The following NXN variants were observed in gnomAD, a reference collection of about 807,000 sequenced individuals.
NXN encodes the protein nucleoredoxin, also known as nucleoredoxin 1.
Under a neutral mutation model 48.6 loss-of-function variants are expected in NXN, and 16 were observed. The ratio of observed to expected loss-of-function variants is 0.33; its 90% confidence interval spans 0.22 to 0.50. NXN has a LOEUF of 0.50. NXN is among the 20% of genes least tolerant of loss of function. The pLI is 0.98. For synonymous variants in NXN, 281 were observed against 269.6 expected (o/e 1.04, Z -0.41); for missense variants, 492 against 605.5 (o/e 0.81, Z 1.97).
chr17:944,480 T>C (rs1415714465), intron 1 of NXN, among the ~76,000 whole-genome samples: 1 of 152,198 alleles, frequency 6.6e-6, no homozygotes, highest in East Asian at 1.9e-4. Flanking sequence ...CTGCGCTGTG[T>C]TCACCAAGCG....
Position 932,112 on chromosome 17 carries a change from C to A in NXN, c.360+47207G>T, listed in dbSNP as rs146291396. ...TGAGCTGAGATTGCACCACTGCACT[C>A]CAGCCTGGGCAATAGAGCAAGACCC... On this transcript the variant is annotated intron_variant, in intron 1 of 7. Transcript: ENST00000336868. This position sits in a 1 kb window ranked among gnomAD's most constrained non-coding sequence, Gnocchi z 4.1. Among the ~76,000 whole-genome samples the A allele has an allele frequency of 5.1e-3, 771 of 152,296 alleles. 9 individuals are homozygous for A. Among genetic ancestry groups the A allele is most frequent in the East Asian group, 0.033 (173 of 5,180 alleles).
At chr17:875,754 G>A (rs890687847) in intron 1 of NXN, among the ~76,000 whole-genome samples, 2 of 139,068 alleles carry the variant, frequency 1.4e-5, no homozygotes, top group African/African-American at 5.4e-5. Flanking sequence ...GACCATGCCT[G>A]GTAAATTAAA....
At chr17:837,605 G>A (rs1322840280) in intron 1 of NXN, among the ~76,000 whole-genome samples, 1 of 152,162 alleles carries the variant, frequency 6.6e-6, no homozygotes, top group Admixed American at 6.5e-5. Flanking sequence ...TTGTTCCTGG[G>A]GGGCCCAGAA....
At chr17:842,107 G>A (rs2144716884) in intron 1 of NXN, among the ~76,000 whole-genome samples, 1 of 152,224 alleles carries the variant, frequency 6.6e-6, no homozygotes, top group South Asian at 2.1e-4. Flanking sequence ...TTGCACTCCA[G>A]CCTGGGCGAC....
At chr17:864,191 T>TTTA in intron 1 of NXN, 90 of 1,197,070 alleles carry the variant, frequency 7.5e-5, no homozygotes, top group Non-Finnish European at 9.0e-5. Context: ...GTTGCTCGGT[T>TTTA]CCGGTGAAGG....
chr17:941,817 T>C (rs1312466857), intron 1 of NXN, among the ~76,000 whole-genome samples: 1 of 58,062 alleles, frequency 1.7e-5, no homozygotes. Context: ...GGATTTACAG[T>C]GAACAAGATT....
chr17:811,792 C>T (rs978367184), intron 5 of NXN, among the ~76,000 whole-genome samples: 2 of 152,182 alleles, frequency 1.3e-5, no homozygotes, highest in Non-Finnish European at 2.9e-5. Context: ...CCGACTCCCC[C>T]ACCCGTACCG....
intron 1 of NXN, among the ~76,000 whole-genome samples, chr17:892,609 C>A (rs1466183969): frequency 7.2e-6 from 1 of 139,234 alleles, no homozygotes; most frequent in African/African-American, 2.6e-5. Context: ...CTCAGCACTG[C>A]TGACACTTTG....
At chr17:909,559 G>C (rs906227766) in intron 1 of NXN, 21 of 120,786 alleles carry the variant, frequency 1.7e-4, no homozygotes, top group African/African-American at 6.1e-4. Flanking sequence ...TTTTTTTTGA[G>C]ACTGAGTCTT....
intron 1 of NXN, among the ~76,000 whole-genome samples, chr17:839,867 C>T (rs527276201): frequency 5.5e-5 from 8 of 146,528 alleles, no homozygotes; most frequent in Non-Finnish European, 8.9e-5. Context: ...GAGGCCGAGG[C>T]GGGCAGATTA....
chr17:971,089 G>A (rs954230181), intron 1 of NXN, among the ~76,000 whole-genome samples: 5 of 151,698 alleles, frequency 3.3e-5, no homozygotes, highest in Admixed American at 6.6e-5. Flanking sequence ...TCGGATTACA[G>A]GCATGCACCA....
chr17:924,569 A>G (rs11869158), intron 1 of NXN, among the ~76,000 whole-genome samples: 5 of 152,218 alleles, frequency 3.3e-5, no homozygotes, highest in African/African-American at 2.4e-5. Flanking sequence ...TAGAACATAC[A>G]TAACAGAAAA....
chr17:806,415 C>G (rs1490015969), intron 5 of NXN, among the ~76,000 whole-genome samples: 1 of 152,110 alleles, frequency 6.6e-6, no homozygotes, highest in Non-Finnish European at 1.5e-5. Context: ...AATGAAAACT[C>G]AGAGAAAGCC....
chr17:841,492 CACGGCGCATCTCACACG>C, intron 1 of NXN, among the ~76,000 whole-genome samples: 1 of 141,420 alleles, frequency 7.1e-6, no homozygotes, highest in Non-Finnish European at 1.6e-5. Flanking sequence ...CCCCCCTGAC[CACGGCGCATCTCACACG>C]GGCGAGCAGG....
chr17:931,220 G>A (rs768886527), intron 1 of NXN, among the ~76,000 whole-genome samples: 1 of 151,344 alleles, frequency 6.6e-6, no homozygotes, highest in Admixed American at 6.6e-5. Context: ...CTAGCAAGTC[G>A]AGGCTGCAGT....
chr17:895,620 G>A (rs2068472216), intron 1 of NXN, among the ~76,000 whole-genome samples: 2 of 146,898 alleles, frequency 1.4e-5, no homozygotes, highest in Admixed American at 6.9e-5. Context: ...AGACCATCCT[G>A]GCTAACACGG....
intron 3 of NXN, among the ~76,000 whole-genome samples, chr17:823,224 C>T (rs1912911136): frequency 6.6e-6 from 1 of 152,062 alleles, no homozygotes; most frequent in Non-Finnish European, 1.5e-5. Flanking sequence ...CATGGCAAAA[C>T]CCTGTCTCTA....
In NXN at chr17:958,975, T is replaced by C. The variant is rs143831925; in HGVS notation, c.360+20344A>G. 21 of 186,640 alleles carry C rather than the reference T, an allele frequency of 1.1e-4. No individual in the cohort carries two copies. Among genetic ancestry groups the C allele is most frequent in the African/African-American group, 4.4e-4 (18 of 41,100 alleles). 11.6% of individuals were successfully genotyped at this position (186,640 alleles called of 1,614,324 possible). ...CACACATACACACACACACACACGA[T>C]ACGAGTTCTTTCATCTTGCAAGAAA... On this transcript the variant is annotated intron_variant, in intron 1 of 7. Transcript: ENST00000336868. The surrounding 1 kb of genome is among the most constrained non-coding windows in gnomAD (Gnocchi z 6.9).
At chr17:853,738 T>TTTTTTTC (rs1555614493) in intron 1 of NXN, among the ~76,000 whole-genome samples, 1 of 143,574 alleles carries the variant, frequency 7.0e-6, no homozygotes, top group Non-Finnish European at 1.5e-5. Context: ...TTTTTTTTTT[T>TTTTTTTC]CCAAGACGGA....
Sources: allele counts gnomAD v4.1 joint callset (sites outside exome capture counted in the v4.1 genomes callset), GRCh38; gene constraint gnomAD v4.1.1; non-coding constraint Gnocchi (gnomAD v3.1); transcripts MANE v1.5; gene names NCBI Gene and HGNC (gene_info 2026-07-23, HGNC 2026-07-21).